The following PIEZO2 variants were observed in gnomAD, a reference collection of about 807,000 sequenced individuals.
PIEZO2 encodes piezo type mechanosensitive ion channel component 2, also known as piezo-type mechanosensitive ion channel component 2.
In PIEZO2, 172 loss-of-function variants were observed where a neutral mutation model predicts 337.3. That is an observed-to-expected ratio of 0.51 (90% CI 0.45 to 0.58). The LOEUF is 0.58. PIEZO2 is among the 20% of genes least tolerant of loss of function. The pLI, the probability that PIEZO2 is intolerant of heterozygous loss-of-function variation, is 0.00. For synonymous variants in PIEZO2, 1,251 were observed against 1,228.5 expected, an observed-to-expected ratio of 1.02 and a Z score of -0.38; for missense variants, 3,028 against 3,391.3, an observed-to-expected ratio of 0.89 and a Z score of 2.66.
intron 7 of PIEZO2, among the ~76,000 whole-genome samples, chr18:10,816,927 G>A (rs1483866062): frequency 6.6e-6 from 1 of 152,002 alleles, no homozygotes; most frequent in Non-Finnish European, 1.5e-5. Context: ...TTGAAGATAC[G>A]TTGGGGCTCA....
intron 36 of PIEZO2, among the ~76,000 whole-genome samples, chr18:10,730,331 T>C (rs2036713874): frequency 6.6e-6 from 1 of 152,256 alleles, no homozygotes; most frequent in Admixed American, 6.5e-5. Context: ...GAATATTTCA[T>C]TTGTATTTCT....
In PIEZO2 at chr18:10,828,137, TTTG is replaced by T. The variant is rs1362082897; in HGVS notation, c.918-20866_918-20864del. Among the ~76,000 whole-genome samples the T allele has an allele frequency of 1.1e-5, 1 of 88,744 alleles. No homozygotes were observed. Among genetic ancestry groups the T allele is most frequent in the Non-Finnish European group, 2.1e-5 (1 of 48,148 alleles). The allele number at this position is 88,744 out of a possible 152,430, so 58.2% of individuals were successfully genotyped here. ...GACGGTTTTTTTTTGTTTGTTTGTT[TTTG>T]TTTTTTTTTTTTTTTACAGTAAAAC... is the stretch of plus-strand genomic sequence containing the variant. On this transcript the variant is annotated intron_variant, in intron 7 of 55. Coordinates refer to ENST00000674853, the MANE Select transcript of PIEZO2 (RefSeq NM_001378183.1). The surrounding 1 kb of genome is among the most constrained non-coding windows in gnomAD (Gnocchi z 4.1).
chr18:10,975,798 C>A (rs1029237571), intron 3 of PIEZO2, among the ~76,000 whole-genome samples: 21 of 152,098 alleles, frequency 1.4e-4, no homozygotes, highest in Non-Finnish European at 5.9e-5. Context: ...TATAAATGAG[C>A]GCTTGGTGGT....
In PIEZO2 at chr18:10,705,761, C is replaced by T. The variant is rs1424457456; in HGVS notation, c.5589-15G>A. ...GCGTGGGCTCGCTGTTGGGAGAAAG[C>T]GTGGGCACAGAGCCCATGTCTTAGC... On this transcript the variant is annotated splice_polypyrimidine_tract_variant and intron_variant, in intron 40 of 55. Coordinates refer to ENST00000674853, the MANE Select transcript of PIEZO2 (RefSeq NM_001378183.1). 9 of 1,506,846 alleles carry T rather than the reference C, an allele frequency of 6.0e-6. No individual in the cohort carries two copies. The highest frequency in any genetic ancestry group is 1.7e-4 in the Middle Eastern group (1 of 5,786). The allele number at this position is 1,506,846 out of a possible 1,614,324, so 93.3% of individuals were successfully genotyped here.
At position 10,715,726 on chromosome 18, in the gene PIEZO2, G is replaced by A; in HGVS notation, c.5180C>T (p.Ser1727Phe). The change falls in exon 38 of 56, where the codon TCC becomes TTC. Residue 1727 changes from serine to phenylalanine, a missense_variant. Transcript: ENST00000674853. ...TVDSFTTWLN[S>F]ISREHIDIST... Reference sequence around the variant, plus strand: ...TATATCAATATGCTCCCTTGAAATGGAGTTAAGCCAAGTAGTGAAACTGTC... The same window carrying A: ...TATATCAATATGCTCCCTTGAAATGAAGTTAAGCCAAGTAGTGAAACTGTC... The A allele has an allele frequency of 6.5e-7, 1 of 1,536,488 alleles. No individual in the cohort carries two copies.
Position 10,705,349 on chromosome 18 carries a change from G to A in PIEZO2, c.5986C>T (p.Leu1996=). ...PLTHELTASE[L]LLKKMFHDDE... ...CTGGACCCTTACTTTTTCAGCAGCA[G>A]CTCGCTGGCCGTCAGCTCATGGGTC... The change falls in exon 41 of 56, where the codon CTG becomes TTG. Residue 1996 remains leucine, a synonymous_variant. Coordinates refer to ENST00000674853, the MANE Select transcript of PIEZO2 (RefSeq NM_001378183.1). 1 of 1,532,930 alleles carries A rather than the reference G, an allele frequency of 6.5e-7. No individual in the cohort carries two copies. The highest frequency in any genetic ancestry group is 8.7e-7 in the Non-Finnish European group (1 of 1,144,636). 95.0% of individuals were successfully genotyped at this position (1,532,930 alleles called of 1,614,324 possible).
rs534111444 is a variant in PIEZO2, at chr18:10,925,516, C to A, written c.287-14288G>T. 3.3e-5 allele frequency among the ~76,000 whole-genome samples: 5 copies of A among 152,182 alleles called. No homozygotes were observed. In the East Asian group the frequency reaches 9.6e-4, roughly 29 times the overall value. On this transcript the variant is annotated intron_variant, in intron 3 of 55. Transcript: ENST00000674853. ...TAATCAGGCTGCATGCACACACATT[C>A]CATGAAGAAAATAAAGAGGGAGGAG...
intron 27 of PIEZO2, among the ~76,000 whole-genome samples, chr18:10,754,360 G>A (rs984308042): frequency 2.2e-4 from 33 of 152,246 alleles, no homozygotes; most frequent in African/African-American, 7.2e-4. Context: ...TGGAGAGGAA[G>A]AGGGGAGCAT....
chr18:10,940,325 T>A lies in PIEZO2; in HGVS notation c.287-29097A>T, dbSNP rs2032658830. 6.6e-6 allele frequency among the ~76,000 whole-genome samples: 1 copy of A among 152,184 alleles called. No homozygotes were observed. On this transcript the variant is annotated intron_variant, in intron 3 of 55. Transcript: ENST00000674853. The surrounding 1 kb of genome is among the most constrained non-coding windows in gnomAD (Gnocchi z 5.3). Reference sequence around the variant, plus strand: ...TCTTCACCCTAACAGATTAGCACCTTTTAGTTAAGTACAGTGATTCTGTAA... The same window carrying A: ...TCTTCACCCTAACAGATTAGCACCTATTAGTTAAGTACAGTGATTCTGTAA...
chr18:10,670,950 T>C lies in PIEZO2; in HGVS notation c.*577A>G, dbSNP rs1426201398. The C allele has an allele frequency of 2.6e-5, 4 of 152,634 alleles. No individual in the cohort carries two copies. The highest frequency in any genetic ancestry group is 7.2e-5 in the African/African-American group (3 of 41,416). The allele number at this position is 152,634 out of a possible 1,614,324, so 9.5% of individuals were successfully genotyped here. On this transcript the variant is annotated 3_prime_UTR_variant, in exon 56 of 56. Transcript: ENST00000674853. The stretch of plus-strand genomic sequence containing the variant: ...GGCAGTAAGAGTATCACTAATACTA[T>C]GTTTTTGCTTAGAATGAGGCTGATC...
At position 10,815,055 on chromosome 18, in the gene PIEZO2, G is replaced by C. The variant is rs1321087923; in HGVS notation, c.918-7781C>G. ...CAGCAGCTTATAAAACTAATTGTGG[G>C]GAAAATGGCCAGGCACTAAAAATAA... On this transcript the variant is annotated intron_variant, in intron 7 of 55. Coordinates refer to ENST00000674853, the MANE Select transcript of PIEZO2 (RefSeq NM_001378183.1). This position sits in a 1 kb window ranked among gnomAD's most constrained non-coding sequence, Gnocchi z 4.1. Among the ~76,000 whole-genome samples, 1 of 152,108 alleles carries C rather than the reference G, an allele frequency of 6.6e-6. No homozygotes were observed. Among genetic ancestry groups the C allele is most frequent in the Non-Finnish European group, 1.5e-5 (1 of 68,014 alleles).
chr18:10,757,913 T>A, intron 27 of PIEZO2, 56 bp downstream of exon 27: 1 of 1,426,060 alleles, frequency 7.0e-7, no homozygotes. Flanking sequence ...AGAGGAGCAA[T>A]GTAATGGAAA....
In PIEZO2 at chr18:11,033,954, G is replaced by A. The variant is rs1378714380; in HGVS notation, c.160+32173C>T. On this transcript the variant is annotated intron_variant, in intron 2 of 55. Transcript: ENST00000674853. The surrounding 1 kb of genome is among the most constrained non-coding windows in gnomAD (Gnocchi z 4.2). ...ACCTGAAAAACTTATACGAGCTAATGTTGTGCTGATTTGAAACTGAAGGGG... is the reference window on the plus strand; with the variant it reads ...ACCTGAAAAACTTATACGAGCTAATATTGTGCTGATTTGAAACTGAAGGGG... Among the ~76,000 whole-genome samples the A allele has an allele frequency of 6.6e-6, 1 of 151,922 alleles. No individual in the cohort carries two copies. Among genetic ancestry groups the A allele is most frequent in the African/African-American group, 2.4e-5 (1 of 41,358 alleles).
intron 3 of PIEZO2, among the ~76,000 whole-genome samples, chr18:10,965,424 T>A (rs1428343168): frequency 6.6e-6 from 1 of 152,232 alleles, no homozygotes; most frequent in African/African-American, 2.4e-5. Context: ...TTAATGTGTT[T>A]CTTGCTCATT....
rs2144796387 is a variant in PIEZO2 at position 10,872,748 on chromosome 18, C to A, written c.330-1333G>T. On this transcript the variant is annotated intron_variant, in intron 4 of 55. Coordinates refer to ENST00000674853, the MANE Select transcript of PIEZO2 (RefSeq NM_001378183.1). The surrounding 1 kb of genome is among the most constrained non-coding windows in gnomAD (Gnocchi z 4.3). ...AGCGATTCCCGGCATGTTCTCTGCT[C>A]ACTCATATAATATAAAATAAGCTGT... Among the ~76,000 whole-genome samples the A allele has an allele frequency of 6.6e-6, 1 of 152,244 alleles. No individual in the cohort carries two copies. The highest frequency in any genetic ancestry group is 2.1e-4 in the South Asian group (1 of 4,824).
At chr18:10,725,187 A>T (rs1191253647) in intron 36 of PIEZO2, 3 of 1,544,192 alleles carry the variant, frequency 1.9e-6, no homozygotes, top group Non-Finnish European at 2.7e-6. Context: ...TCCATCAGGC[A>T]GTTGGCATCA....
rs1176073756 is a variant in PIEZO2 at position 10,750,179 on chromosome 18, T to C, written c.4176A>G (p.Ala1392=). The stretch of plus-strand genomic sequence containing the variant: ...GCACCAATGTTCCAATGTATCCACA[T>C]GCTCCTATCTGAAAAACAAAAGAGG... ...ITMKNILSIG[A]CGYIGTLVHN... The change falls in exon 29 of 56, where the codon GCA becomes GCG. Residue 1392 remains alanine, a synonymous_variant. Coordinates refer to ENST00000674853, the MANE Select transcript of PIEZO2 (RefSeq NM_001378183.1). This position sits in a 1 kb window ranked among gnomAD's most constrained non-coding sequence, Gnocchi z 4.1. The C allele has an allele frequency of 6.5e-7, 1 of 1,536,634 alleles. No homozygotes were observed. Among genetic ancestry groups the C allele is most frequent in the Admixed American group, 2.0e-5 (1 of 50,996 alleles).
At chr18:11,107,452 G>C (rs913757779) in intron 1 of PIEZO2, among the ~76,000 whole-genome samples, 1 of 152,026 alleles carries the variant, frequency 6.6e-6, no homozygotes, top group South Asian at 2.1e-4. Flanking sequence ...TTCATGTACA[G>C]AGTTTTTTTC....
intron 43 of PIEZO2, 60 bp downstream of exon 43, chr18:10,701,929 C>T (rs1030586292): frequency 1.2e-5 from 16 of 1,379,582 alleles, no homozygotes; most frequent in African/African-American, 1.5e-5. Context: ...AGGAAGATTA[C>T]GGTCCAGGTT....
Sources: gnomAD v4.1 joint callset for allele counts (sites outside exome capture counted in the v4.1 genomes callset) on GRCh38, gnomAD v4.1.1 for gene constraint, Gnocchi (gnomAD v3.1) non-coding constraint, MANE v1.5 for transcripts, NCBI Gene and HGNC (gene_info 2026-07-23, HGNC 2026-07-21) for gene names.